Variants in NEBL observed in about 807,000 individuals in gnomAD.
NEBL encodes LIM and SH3 protein 2.
Under a neutral mutation model 140.2 loss-of-function variants are expected in NEBL, and 122 were observed. The observed-to-expected ratio is 0.87, with a 90% CI of 0.75 to 1.01. NEBL has a LOEUF of 1.01. NEBL is among the 50% of genes least tolerant of loss of function. The pLI is 0.00. For synonymous variants in NEBL, 436 were observed against 398.9 expected (o/e 1.09, Z -1.11); for missense variants, 1,365 against 1,231.3 (o/e 1.11, Z -1.62).
chr10:21,241,245 AAAATAAATAAATAAATAAAT>A (rs372654187), intron 3 of NEBL, among the ~76,000 whole-genome samples: 9 of 146,418 alleles, frequency 6.1e-5, no homozygotes, highest in Non-Finnish European at 1.0e-4. Context: ...CGATGCCAGC[AAAATAAATAAATAAATAAAT>A]AAATAAATAA....
chr10:21,018,900 C>T lies in NEBL; in HGVS notation c.249+1217G>A, dbSNP rs193258261. ...AAAATTAGCCGGGTGTGGTAGCAGG[C>T]GCCTGTAATCCCAGCTATTGGGGAG... On this transcript the variant is annotated intron_variant, in intron 3 of 6. Coordinates refer to the NEBL transcript ENST00000417816. Among the ~76,000 whole-genome samples, 43 of 152,180 alleles carry T rather than the reference C, an allele frequency of 2.8e-4. 1 individual carries two copies. Among genetic ancestry groups the T allele is most frequent in the Middle Eastern group, 3.4e-3 (1 of 294 alleles).
chr10:20,916,336 G>A (rs1848554778), intron 4 of NEBL, among the ~76,000 whole-genome samples: 1 of 152,148 alleles, frequency 6.6e-6, no homozygotes, highest in South Asian at 2.1e-4. Context: ...TATAAAAACA[G>A]CTAGAGTTCT....
chr10:21,065,873 C>A (rs923773420), intron 2 of NEBL, among the ~76,000 whole-genome samples: 1 of 152,162 alleles, frequency 6.6e-6, no homozygotes, highest in African/African-American at 2.4e-5. Flanking sequence ...AGAACATTAA[C>A]AAAGGGAGGG....
chr10:21,231,355 C>A (rs988510491), intron 3 of NEBL, among the ~76,000 whole-genome samples: 6 of 152,094 alleles, frequency 3.9e-5, no homozygotes, highest in Admixed American at 1.3e-4. Flanking sequence ...GCCTGGCCAA[C>A]ATGGTGAAAC....
intron 1 of NEBL, among the ~76,000 whole-genome samples, chr10:21,287,361 C>T (rs547926020): frequency 2.0e-5 from 3 of 152,214 alleles, no homozygotes; most frequent in African/African-American, 7.2e-5. Context: ...CATGGTAAAA[C>T]CCCATCTCTC....
chr10:20,797,300 A>G (rs1451081353), intron 26 of NEBL, among the ~76,000 whole-genome samples: 1 of 152,248 alleles, frequency 6.6e-6, no homozygotes, highest in Non-Finnish European at 1.5e-5. Context: ...AATGCATGTA[A>G]CATTTTTTAA....
upstream of NEBL, among the ~76,000 whole-genome samples, chr10:21,178,212 G>A (rs1191637334): frequency 6.6e-6 from 1 of 152,118 alleles, no homozygotes; most frequent in East Asian, 1.9e-4. Context: ...ACAAACATTA[G>A]GGGAAATTCA....
At position 20,819,504 on chromosome 10, in the gene NEBL, C is replaced by T; in HGVS notation, c.1975G>A (p.Glu659Lys). 1.9e-6 allele frequency: 3 copies of T among 1,614,002 alleles called. No individual in the cohort carries two copies. Among genetic ancestry groups the T allele is most frequent in the Non-Finnish European group, 2.5e-6 (3 of 1,179,946 alleles). Residue 659 changes from glutamate to lysine, a missense_variant, in exon 20 of 28, where the codon GAG becomes AAG. This residue lies in a region of NEBL where 1,323 missense variants were observed against 1,154.8 expected (regional missense o/e 1.15). Coordinates refer to ENST00000377122, the MANE Select transcript of NEBL (RefSeq NM_006393.3). ...ACCGGAGTGGCCTTGTAGTTTTGCTCTTTATACTGGAGCTGAGAGACAAGG... is the reference window on the plus strand; with the variant it reads ...ACCGGAGTGGCCTTGTAGTTTTGCTTTTTATACTGGAGCTGAGAGACAAGG... Reference protein sequence around the residue: ...QKNISNLQYKEQNYKATPVSM... With the variant: ...QKNISNLQYKKQNYKATPVSM...
intron 3 of NEBL, among the ~76,000 whole-genome samples, chr10:21,243,834 G>A (rs73609242): frequency 1.2e-3 from 183 of 151,564 alleles, no homozygotes; most frequent in African/African-American, 3.8e-3. Flanking sequence ...TAGAAACAGC[G>A]AAAGAAAAGT....
At chr10:21,008,222 A>G (rs1838209779) in intron 3 of NEBL, among the ~76,000 whole-genome samples, 2 of 152,210 alleles carry the variant, frequency 1.3e-5, no homozygotes, top group African/African-American at 2.4e-5. Flanking sequence ...TGCATATTGT[A>G]TGCATATCTA....
chr10:20,869,038 C>T (rs1056078056), intron 6 of NEBL, among the ~76,000 whole-genome samples: 4 of 152,050 alleles, frequency 2.6e-5, no homozygotes, highest in African/African-American at 9.7e-5. Context: ...AATACTAAAA[C>T]AAAATATTAG....
At chr10:20,863,817 G>A (rs1427257056) in intron 7 of NEBL, among the ~76,000 whole-genome samples, 5 of 152,052 alleles carry the variant, frequency 3.3e-5, no homozygotes, top group Non-Finnish European at 5.9e-5. Flanking sequence ...ACTACAAATC[G>A]TATTAAGAAC....
In NEBL at chr10:21,081,632, G is replaced by A. The variant is rs935649541; in HGVS notation, c.165-61431C>T. Among the ~76,000 whole-genome samples, 17 of 152,274 alleles carry A rather than the reference G, an allele frequency of 1.1e-4. No individual in the cohort carries two copies. In the East Asian group the frequency reaches 2.1e-3, roughly 19 times the overall value. Reference sequence around the variant, plus strand: ...ACAAGCATACTTAATGTCCCTAGACGGTTGGTTTCCAAAGACTGTTCTTCA... The same window carrying A: ...ACAAGCATACTTAATGTCCCTAGACAGTTGGTTTCCAAAGACTGTTCTTCA... On this transcript the variant is annotated intron_variant, in intron 2 of 6. Transcript: ENST00000417816.
chr10:20,993,079 G>A (rs992731298), intron 3 of NEBL, among the ~76,000 whole-genome samples: 2 of 151,948 alleles, frequency 1.3e-5, no homozygotes, highest in Admixed American at 1.3e-4. Context: ...CACCGCGCCT[G>A]GCCTGCAACT....
intron 3 of NEBL, among the ~76,000 whole-genome samples, chr10:21,014,497 A>G (rs886363229): frequency 6.6e-6 from 1 of 152,226 alleles, no homozygotes; most frequent in Admixed American, 6.5e-5. Flanking sequence ...ATCCAAAATA[A>G]TTCTCCAATT....
At chr10:20,942,183 A>T (rs1374402511) in intron 4 of NEBL, among the ~76,000 whole-genome samples, 1 of 152,180 alleles carries the variant, frequency 6.6e-6, no homozygotes, top group African/African-American at 2.4e-5. Context: ...ACCTGACTTC[A>T]AACTATACTA....
At chr10:20,893,779 C>A (rs1445472257) in intron 2 of NEBL, among the ~76,000 whole-genome samples, 1 of 152,102 alleles carries the variant, frequency 6.6e-6, no homozygotes, top group Non-Finnish European at 1.5e-5. Flanking sequence ...AAGGGCCAGG[C>A]AAGAGGGCAG....
chr10:20,943,918 G>A (rs778646622), intron 4 of NEBL, among the ~76,000 whole-genome samples: 77 of 152,262 alleles, frequency 5.1e-4, no homozygotes, highest in South Asian at 1.0e-3. Context: ...CTCTTGGGTC[G>A]TCTGTATCCA....
At position 21,117,948 on chromosome 10, in the gene NEBL, G is replaced by A. The variant is rs533839607; in HGVS notation, c.164+54435C>T. On this transcript the variant is annotated intron_variant, in intron 2 of 6. Transcript: ENST00000417816. The stretch of plus-strand genomic sequence containing the variant: ...ATTAGAAATATTTCTTACCTACCTC[G>A]GGGATATAGTGAGGTTTAACTGAGA... Among the ~76,000 whole-genome samples the A allele has an allele frequency of 5.3e-5, 8 of 152,080 alleles. No homozygotes were observed. The South Asian group carries it at 8.3e-4, about 16-fold the overall frequency.
Sources: gnomAD v4.1 joint callset for allele counts (sites outside exome capture counted in the v4.1 genomes callset) on GRCh38, gnomAD v4.1.1 for gene constraint, gnomAD v4.1.1 regional missense constraint, MANE v1.5 for transcripts, NCBI Gene and HGNC (gene_info 2026-07-23, HGNC 2026-07-21) for gene names.